The following EMB variants were observed in gnomAD, a reference collection of about 807,000 sequenced individuals.
EMB encodes embigin homolog.
A neutral mutation model predicts 41.4 loss-of-function variants in EMB; 31 were observed. The ratio of observed to expected loss-of-function variants is 0.75; its 90% CI spans 0.56 to 1.01. The LOEUF is 1.01. Ranked by LOEUF, EMB falls within the 50% of genes least tolerant of loss-of-function variation. EMB has a pLI of 0.00. For missense variants in EMB, 379 were observed against 388.3 expected, an observed-to-expected ratio of 0.98 and a Z score of 0.20; for synonymous variants, 137 against 140.4, an observed-to-expected ratio of 0.98 and a Z score of 0.17.
chr5:50,427,637 T>C (rs900307356), intron 2 of EMB, among the ~76,000 whole-genome samples: 5 of 152,040 alleles, frequency 3.3e-5, no homozygotes, highest in African/African-American at 1.2e-4. Flanking sequence ...GCCTCCCAAG[T>C]AGCTGGGACT....
chr5:50,403,748 C>G (rs548059344), intron 5 of EMB, among the ~76,000 whole-genome samples: 1 of 151,848 alleles, frequency 6.6e-6, no homozygotes, highest in Admixed American at 6.6e-5. Flanking sequence ...GAATTAAAAA[C>G]AGAAAAATCC....
rs1248468522 is a variant in EMB at position 50,441,235 on chromosome 5, C to A, written c.-84G>T. ...GGTGTCCAGAGTCCCTGCGCACACT[C>A]GCAGGTGGCCCGGCGCTCGCAGCCA... On this transcript the variant is annotated 5_prime_UTR_variant, in exon 1 of 9. Transcript: ENST00000303221. 3 of 814,470 alleles carry A rather than the reference C, an allele frequency of 3.7e-6. No homozygotes were observed. The highest frequency in any genetic ancestry group is 5.0e-6 in the Non-Finnish European group (3 of 598,872). 50.5% of individuals were successfully genotyped at this position (814,470 alleles called of 1,614,324 possible). A position where few individuals can be genotyped will look rare whatever the true frequency, so the allele number is the denominator to read the frequency against.
Position 50,436,545 on chromosome 5 carries a change from A to T in EMB, c.112+4495T>A, listed in dbSNP as rs185302043. ...CTGACCCTCCTACATGCTTTCCTCC[A>T]CATCTTGTTTGGGATCAAACATCAC... On this transcript the variant is annotated intron_variant, in intron 1 of 8. Transcript: ENST00000303221. 5.3e-5 allele frequency among the ~76,000 whole-genome samples: 8 copies of T among 152,160 alleles called. No individual in the cohort carries two copies. In the East Asian group the frequency reaches 1.4e-3, roughly 26 times the overall value.
At chr5:50,417,334 T>C (rs1202629814) in intron 2 of EMB, among the ~76,000 whole-genome samples, 20 of 152,106 alleles carry the variant, frequency 1.3e-4, no homozygotes, top group African/African-American at 4.8e-4. Context: ...TGGAGTTAAC[T>C]TATGAATAAG....
chr5:50,439,449 T>C (rs1579748197), intron 1 of EMB, among the ~76,000 whole-genome samples: 1 of 151,674 alleles, frequency 6.6e-6, no homozygotes, highest in East Asian at 1.9e-4. Flanking sequence ...CCCAAGCACC[T>C]GGGACTACTG....
chr5:50,427,948 T>A (rs1745646976), intron 2 of EMB, among the ~76,000 whole-genome samples, 196 bp downstream of exon 2: 1 of 152,318 alleles, frequency 6.6e-6, no homozygotes, highest in Admixed American at 6.5e-5. Flanking sequence ...GCATGTCTGG[T>A]ATATTTTCCT....
At position 50,441,159 on chromosome 5, in the gene EMB, G is replaced by A. The variant is rs770527683; in HGVS notation, c.-8C>T. The A allele has an allele frequency of 7.4e-6, 11 of 1,484,864 alleles. No individual in the cohort carries two copies. In the South Asian group the frequency reaches 1.3e-4, roughly 17 times the overall value. 92.0% of individuals were successfully genotyped at this position (1,484,864 alleles called of 1,614,324 possible). ...GCCGGGGAGGGCGCGCATGGCGCCA[G>A]AGGGTCCGCCTGGGTCCTCGTGGAG... On this transcript the variant is annotated 5_prime_UTR_variant, in exon 1 of 9. Coordinates refer to ENST00000303221, the MANE Select transcript of EMB (RefSeq NM_198449.3).
chr5:50,418,220 C>T (rs929292847), intron 2 of EMB, among the ~76,000 whole-genome samples: 9 of 152,218 alleles, frequency 5.9e-5, no homozygotes, highest in Admixed American at 5.9e-4. Flanking sequence ...TAAATGGTTA[C>T]ACTGTTTTAG....
chr5:50,415,377 T>C (rs973213191), intron 2 of EMB, among the ~76,000 whole-genome samples: 3 of 152,212 alleles, frequency 2.0e-5, no homozygotes, highest in African/African-American at 7.2e-5. Context: ...TATCTTTGTA[T>C]TAGACATCAG....
intron 5 of EMB, among the ~76,000 whole-genome samples, chr5:50,404,252 A>T (rs1448210576): frequency 6.6e-6 from 1 of 152,012 alleles, no homozygotes. Flanking sequence ...AGCTTATCCA[A>T]GGAATAATTA....
intron 1 of EMB, 52 bp from the exon 2 acceptor site, chr5:50,428,279 A>G (rs1400821659): frequency 4.2e-6 from 6 of 1,424,348 alleles, no homozygotes; most frequent in Non-Finnish European, 5.8e-6. Context: ...GTAAATGACT[A>G]TCTAAAAACT....
At chr5:50,402,748 T>A (rs1373972239) in intron 6 of EMB, among the ~76,000 whole-genome samples, 1 of 151,766 alleles carries the variant, frequency 6.6e-6, no homozygotes, top group Admixed American at 6.6e-5. Flanking sequence ...AATATTTTTT[T>A]AAATGATAAT....
At position 50,397,842 on chromosome 5, in the gene EMB, G is replaced by T. The variant is rs1024925979; in HGVS notation, c.*1431C>A. 1 of 151,890 alleles carries T rather than the reference G, an allele frequency of 6.6e-6. No individual in the cohort carries two copies. The highest frequency in any genetic ancestry group is 1.5e-5 in the Non-Finnish European group (1 of 67,966). 9.4% of individuals were successfully genotyped at this position (151,890 alleles called of 1,614,324 possible). A position where few individuals can be genotyped will look rare whatever the true frequency, so the allele number is the denominator to read the frequency against. ...TTAAGATGCTTTACAACAAAATATT[G>T]CATTTTGTTATAGCAACAAAGTATT... On this transcript the variant is annotated 3_prime_UTR_variant, in exon 9 of 9. Transcript: ENST00000303221.
At position 50,403,469 on chromosome 5, in the gene EMB, C is replaced by A; in HGVS notation, c.601-15G>T. 3 of 1,608,588 alleles carry A rather than the reference C, an allele frequency of 1.9e-6. No individual in the cohort carries two copies. Among genetic ancestry groups the A allele is most frequent in the Non-Finnish European group, 2.5e-6 (3 of 1,176,584 alleles). ...CCAACAGGAACCTAATATGAGGAGACATTAAAATCCATTCCTATCATAGCA... is the reference window on the plus strand; with the variant it reads ...CCAACAGGAACCTAATATGAGGAGAAATTAAAATCCATTCCTATCATAGCA... On this transcript the variant is annotated splice_polypyrimidine_tract_variant and intron_variant, in intron 5 of 8. Coordinates refer to ENST00000303221, the MANE Select transcript of EMB (RefSeq NM_198449.3).
intron 4 of EMB, among the ~76,000 whole-genome samples, chr5:50,408,913 C>A (rs1264732979): frequency 6.6e-6 from 1 of 151,784 alleles, no homozygotes; most frequent in African/African-American, 2.4e-5. Context: ...TTTTATTTTA[C>A]CAAGGAAGAT....
intron 2 of EMB, among the ~76,000 whole-genome samples, chr5:50,417,446 G>A (rs1745447690): frequency 6.6e-6 from 1 of 152,112 alleles, no homozygotes; most frequent in Non-Finnish European, 1.5e-5. Context: ...CATATGGATT[G>A]AAGAATCATG....
At position 50,397,491 on chromosome 5, in the gene EMB, A is replaced by T. The variant is rs555553698; in HGVS notation, c.*1782T>A. ...ATGAGCCTCAATGGTTAGTGGTGGT[A>T]AAATGGAAGAATGCATACTGCAGAT... is the stretch of plus-strand genomic sequence containing the variant. On this transcript the variant is annotated 3_prime_UTR_variant, in exon 9 of 9. Transcript: ENST00000303221. 1 of 152,256 alleles carries T rather than the reference A, an allele frequency of 6.6e-6. No individual in the cohort carries two copies. Among genetic ancestry groups the T allele is most frequent in the African/African-American group, 2.4e-5 (1 of 41,556 alleles). The allele number at this position is 152,256 out of a possible 1,614,324, so 9.4% of individuals were successfully genotyped here. A position where few individuals can be genotyped will look rare whatever the true frequency, so the allele number is the denominator to read the frequency against.
chr5:50,411,642 A>G, intron 2 of EMB: 1 of 245,770 alleles, frequency 4.1e-6, no homozygotes, highest in Non-Finnish European at 7.7e-6. Context: ...TAAGCTCTAT[A>G]CTGAGCAGAA....
chr5:50,441,286 A>C lies in EMB; in HGVS notation c.-135T>G. 1.1e-5 allele frequency: 5 copies of C among 457,404 alleles called. No individual in the cohort carries two copies. Among genetic ancestry groups the C allele is most frequent in the Admixed American group, 4.5e-5 (1 of 22,292 alleles). 28.3% of individuals were successfully genotyped at this position (457,404 alleles called of 1,614,324 possible). ...GTGCCGCGGGTAGGACGCTGAAGAA[A>C]AGGCGGAATGGGAGGGGCCCGGCCG... On this transcript the variant is annotated 5_prime_UTR_variant, in exon 1 of 9. Coordinates refer to ENST00000303221, the MANE Select transcript of EMB (RefSeq NM_198449.3).
Sources: allele counts gnomAD v4.1 joint callset (sites outside exome capture counted in the v4.1 genomes callset), GRCh38; gene constraint gnomAD v4.1.1; transcripts MANE v1.5; gene names NCBI Gene and HGNC (gene_info 2026-07-23, HGNC 2026-07-21).